Variants in CDH11 observed in about 807,000 individuals in gnomAD.
The protein encoded by CDH11 is cadherin 11, also known as cadherin-11.
Under a neutral mutation model 67.8 loss-of-function variants are expected in CDH11, and 11 were observed. The observed-to-expected ratio is 0.16, with a 90% CI of 0.10 to 0.27. The LOEUF (loss-of-function observed/expected upper bound fraction) is 0.27. CDH11 is among the 10% of genes least tolerant of loss of function. The probability of loss-of-function intolerance (pLI) is 1.00; values close to 1 mark genes in which losing one functional copy is unlikely to be tolerated. For synonymous variants in CDH11, 419 were observed against 400.0 expected (o/e 1.05, Z -0.57); for missense variants, 847 against 1,031.2 (o/e 0.82, Z 2.45).
At position 64,998,644 on chromosome 16, in the gene CDH11, G is replaced by A. The variant is rs1191655332; in HGVS notation, c.441C>T (p.Val147=). 1 of 1,614,094 alleles carries A rather than the reference G, an allele frequency of 6.2e-7. No homozygotes were observed. Among genetic ancestry groups the A allele is most frequent in the African/African-American group, 1.3e-5 (1 of 75,016 alleles). ...GGTTGTCATTAATGTCCTGGACCTT[G>A]ACAATGAATTCCGACGGTGGCTCCA... ...RPLEPPSEFI[V]KVQDINDNPP... The change falls in exon 4 of 13, where the codon GTC becomes GTT. Residue 147 remains valine (V), a synonymous_variant. Coordinates refer to ENST00000268603, the MANE Select transcript of CDH11 (RefSeq NM_001797.4).
intron 4 of CDH11, among the ~76,000 whole-genome samples, chr16:64,995,965 G>A (rs1427453123): frequency 6.6e-6 from 1 of 152,090 alleles, no homozygotes; most frequent in African/African-American, 2.4e-5. Context: ...AAGAAGATAT[G>A]CAAATGGCTT....
rs902742919 is a variant in CDH11 at position 64,946,268 on chromosome 16, G to A, written c.*1335C>T. ...ACTATCAAGAGTCTTACAATAGCCT[G>A]GTAAGTTCAACAGAAGAAAAAATAG... is the stretch of plus-strand genomic sequence containing the variant. On this transcript the variant is annotated 3_prime_UTR_variant, in exon 13 of 13. Transcript: ENST00000268603. 11 of 1,047,326 alleles carry A rather than the reference G, an allele frequency of 1.1e-5. No individual in the cohort carries two copies. The African/African-American group carries it at 1.7e-4, about 16-fold the overall frequency. The allele number at this position is 1,047,326 out of a possible 1,614,324, so 64.9% of individuals were successfully genotyped here.
At chr16:64,968,325 G>A in intron 11 of CDH11, 1 of 582,374 alleles carries the variant, frequency 1.7e-6, no homozygotes, top group South Asian at 7.5e-5. Context: ...ATAGAGGAGA[G>A]ATATTATCTC....
At position 65,052,699 on chromosome 16, in the gene CDH11, G is replaced by A. The variant is rs114659262; in HGVS notation, c.-173+1105C>T. 4.1e-3 allele frequency among the ~76,000 whole-genome samples: 618 copies of A among 152,254 alleles called. 6 individuals are homozygous for A. The highest frequency in any genetic ancestry group is 0.014 in the African/African-American group (592 of 41,552). ...TGTACGGATTTAAGAACATTGTTCA[G>A]GATATACATAGATAATGGATCACGT... is the stretch of plus-strand genomic sequence containing the variant. On this transcript the variant is annotated intron_variant, in intron 2 of 12. Coordinates refer to ENST00000268603, the MANE Select transcript of CDH11 (RefSeq NM_001797.4).
rs34910071 is a variant in CDH11, at chr16:64,946,366, C to G, written c.*1237G>C. On this transcript the variant is annotated 3_prime_UTR_variant, in exon 13 of 13. Coordinates refer to ENST00000268603, the MANE Select transcript of CDH11 (RefSeq NM_001797.4). ...CAGTTCCCCAGTGCTCAGTGTGGGG[C>G]ATAGAATGTATACCTGGAACATTAG... 308,599 of 1,034,142 alleles carry G rather than the reference C, an allele frequency of 0.3. 48,366 individuals carry two copies. Among genetic ancestry groups the G allele is most frequent in the East Asian group, 0.34 (5,897 of 17,168 alleles). The allele number at this position is 1,034,142 out of a possible 1,614,324, so 64.1% of individuals were successfully genotyped here.
intron 3 of CDH11, 51 bp downstream of exon 3, chr16:65,004,591 C>A: frequency 6.4e-7 from 1 of 1,557,874 alleles, no homozygotes; most frequent in South Asian, 1.2e-5. Flanking sequence ...CCACAGACGA[C>A]TATTCCAATG....
intron 2 of CDH11, among the ~76,000 whole-genome samples, chr16:65,014,074 G>A (rs1168501254): frequency 6.6e-6 from 1 of 152,140 alleles, no homozygotes; most frequent in Non-Finnish European, 1.5e-5. Context: ...ACAAGAATGC[G>A]TAAATACATA....
At chr16:65,054,681 T>G (rs1442921062) in intron 1 of CDH11, among the ~76,000 whole-genome samples, 6 of 152,204 alleles carry the variant, frequency 3.9e-5, no homozygotes, top group Admixed American at 3.9e-4. Context: ...AGCTGTCATC[T>G]TTAAAAACTG....
In CDH11 at chr16:65,013,921, T is replaced by G. The variant is rs536222936; in HGVS notation, c.-172-8880A>C. ...GAGACAATGTGTGTACTTTGTACAG[T>G]ACCTGTCATATGGTAATCATTCACA... On this transcript the variant is annotated intron_variant, in intron 2 of 12. Coordinates refer to ENST00000268603, the MANE Select transcript of CDH11 (RefSeq NM_001797.4). Among the ~76,000 whole-genome samples, 49 of 152,268 alleles carry G rather than the reference T, an allele frequency of 3.2e-4. No homozygotes were observed. The South Asian group carries it at 5.2e-3, about 16-fold the overall frequency.
intron 2 of CDH11, among the ~76,000 whole-genome samples, chr16:65,021,590 T>C (rs1357268409): frequency 8.1e-6 from 1 of 123,830 alleles, no homozygotes. Flanking sequence ...ATATATATAT[T>C]AGTTATCCAT....
intron 6 of CDH11, among the ~76,000 whole-genome samples, chr16:64,989,648 G>A (rs768035619): frequency 4.6e-5 from 7 of 152,144 alleles, no homozygotes; most frequent in African/African-American, 7.2e-5. Flanking sequence ...GCCAAATTGC[G>A]TAAAATAGAC....
intron 1 of CDH11, among the ~76,000 whole-genome samples, chr16:65,120,499 G>A (rs2142903231): frequency 6.6e-6 from 1 of 152,312 alleles, no homozygotes; most frequent in South Asian, 2.1e-4. Flanking sequence ...AAAGATTTCA[G>A]AGCGATCGTA....
At chr16:65,084,267 T>C (rs568645757) in intron 1 of CDH11, among the ~76,000 whole-genome samples, 4 of 152,168 alleles carry the variant, frequency 2.6e-5, no homozygotes, top group South Asian at 2.1e-4. Context: ...GGTGGGAGGA[T>C]TGCTTGAGCC....
chr16:65,109,974 C>G (rs1225066178), intron 1 of CDH11, among the ~76,000 whole-genome samples: 1 of 152,140 alleles, frequency 6.6e-6, no homozygotes, highest in Non-Finnish European at 1.5e-5. Flanking sequence ...CTCGACCTCT[C>G]CGGCTCAAGC....
chr16:65,050,091 G>C (rs1484728467), intron 2 of CDH11, among the ~76,000 whole-genome samples: 1 of 152,138 alleles, frequency 6.6e-6, no homozygotes, highest in Non-Finnish European at 1.5e-5. Context: ...GCCAATGTGT[G>C]TACACTTCTC....
At chr16:64,976,318 G>A (rs2072164881) in intron 8 of CDH11, among the ~76,000 whole-genome samples, 1 of 152,098 alleles carries the variant, frequency 6.6e-6, no homozygotes, top group African/African-American at 2.4e-5. Context: ...AGGCATAACA[G>A]GTTAGTGCCA....
In CDH11 at chr16:64,946,002, T is replaced by A. The variant is rs1458029199; in HGVS notation, c.*1601A>T. On this transcript the variant is annotated 3_prime_UTR_variant, in exon 13 of 13. Transcript: ENST00000268603. ...CCCAACTGAACAGGTGAAATGCCCT[T>A]CACATAAGTTTCAATCCCCAAGAAA... The A allele has an allele frequency of 1.9e-6, 2 of 1,058,756 alleles. No individual in the cohort carries two copies. Among genetic ancestry groups the A allele is most frequent in the African/African-American group, 3.3e-5 (2 of 60,696 alleles). 65.6% of individuals were successfully genotyped at this position (1,058,756 alleles called of 1,614,324 possible). A position where few individuals can be genotyped will look rare whatever the true frequency, so the allele number is the denominator to read the frequency against.
chr16:64,950,339 C>T (rs1266352964), intron 12 of CDH11, among the ~76,000 whole-genome samples: 1 of 152,104 alleles, frequency 6.6e-6, no homozygotes, highest in Non-Finnish European at 1.5e-5. Context: ...GTGTTTTGCT[C>T]CTTCTTATGG....
At chr16:64,964,102 A>G (rs796551221) in intron 11 of CDH11, among the ~76,000 whole-genome samples, 25 of 152,368 alleles carry the variant, frequency 1.6e-4, no homozygotes, top group African/African-American at 5.8e-4. Context: ...ATTTGTTCAC[A>G]GTAATAATTG....
Sources: allele counts gnomAD v4.1 joint callset (sites outside exome capture counted in the v4.1 genomes callset), GRCh38; gene constraint gnomAD v4.1.1; transcripts MANE v1.5; gene names NCBI Gene and HGNC (gene_info 2026-07-23, HGNC 2026-07-21).